The following CROCC2 variants were observed in gnomAD, a reference collection of about 807,000 sequenced individuals.
The protein encoded by CROCC2 is ciliary rootlet coiled-coil, rootletin family member 2.
Under a neutral mutation model 177.6 loss-of-function variants are expected in CROCC2, and 163 were observed. That is an observed-to-expected ratio of 0.92 (90% CI 0.81 to 1.05). The LOEUF is 1.05. CROCC2 is among the 50% of genes least tolerant of loss of function. The probability of loss-of-function intolerance (pLI) is 0.00; values close to 1 mark genes in which losing one functional copy is unlikely to be tolerated. For missense variants in CROCC2, 1,929 were observed against 1,797.8 expected, an observed-to-expected ratio of 1.07 and a Z score of -1.32; for synonymous variants, 904 against 787.3, an observed-to-expected ratio of 1.15 and a Z score of -2.48.
intron 5 of CROCC2, among the ~76,000 whole-genome samples, chr2:240,928,863 T>C (rs2059410782): frequency 8.4e-6 from 1 of 118,432 alleles, no homozygotes; most frequent in Admixed American, 9.4e-5. Flanking sequence ...GGGCATGCCC[T>C]CTGGAGGGTG....
intron 28 of CROCC2, 72 bp from the exon 29 acceptor site, chr2:240,988,667 C>CG: frequency 2.3e-6 from 3 of 1,286,786 alleles, no homozygotes; most frequent in South Asian, 5.5e-5. Flanking sequence ...ACCCTGTGCT[C>CG]CCAGAGGAGG....
intron 28 of CROCC2, chr2:240,983,611 G>A (rs1405209767): frequency 8.6e-6 from 11 of 1,284,894 alleles, no homozygotes; most frequent in African/African-American, 3.1e-5. Flanking sequence ...AGAGAGGAAG[G>A]AGGAGCTCCT....
chr2:240,921,680 G>C (rs1025799437), intron 3 of CROCC2, among the ~76,000 whole-genome samples: 4 of 152,230 alleles, frequency 2.6e-5, no homozygotes, highest in African/African-American at 9.6e-5. Context: ...TGGGTGGCCA[G>C]AGTGCCTGAC....
chr2:240,934,632 A>G (rs1036887612), intron 12 of CROCC2, among the ~76,000 whole-genome samples, 157 bp downstream of exon 12: 7 of 151,892 alleles, frequency 4.6e-5, no homozygotes, highest in Non-Finnish European at 8.8e-5. Flanking sequence ...CCCGTCCCCA[A>G]CCAGTAGGCA....
intron 1 of CROCC2, among the ~76,000 whole-genome samples, chr2:240,913,145 C>T (rs2106449891): frequency 6.6e-6 from 1 of 152,258 alleles, no homozygotes; most frequent in South Asian, 2.1e-4. Flanking sequence ...CCACAATCCT[C>T]CACAGAACAT....
Position 240,982,043 on chromosome 2 carries a change from G to A in CROCC2, c.4402-837G>A, listed in dbSNP as rs76877138. On this transcript the variant is annotated intron_variant, in intron 27 of 31. Coordinates refer to ENST00000690015, the MANE Select transcript of CROCC2 (RefSeq NM_001351305.2). The surrounding 1 kb of genome is among the most constrained non-coding windows in gnomAD (Gnocchi z 4.7). Reference sequence around the variant, plus strand: ...GCAAGCAGGAGGAGAAGGCAGCAGCGTAGGGTGGGGGCGCCAGCGGGGAGG... The same window carrying A: ...GCAAGCAGGAGGAGAAGGCAGCAGCATAGGGTGGGGGCGCCAGCGGGGAGG... The A allele has an allele frequency of 0.031, 4,753 of 152,104 alleles. 482 individuals are homozygous for A. The highest frequency in any genetic ancestry group is 0.29 in the East Asian group (1,455 of 5,068). 9.4% of individuals were successfully genotyped at this position (152,104 alleles called of 1,614,324 possible).
rs1163764435 is a variant in CROCC2 at position 240,918,037 on chromosome 2, C to G, written c.79-689C>G. ...GGCAGAAGGGCAGCCATTCAGCAAA[C>G]ACCTCCTGAGTGTGAGCCCAGGTCC... On this transcript the variant is annotated intron_variant, in intron 1 of 31. Transcript: ENST00000690015. This position sits in a 1 kb window ranked among gnomAD's most constrained non-coding sequence, Gnocchi z 6.3. Among the ~76,000 whole-genome samples, 1 of 152,216 alleles carries G rather than the reference C, an allele frequency of 6.6e-6. No homozygotes were observed. The highest frequency in any genetic ancestry group is 6.5e-5 in the Admixed American group (1 of 15,292).
chr2:240,918,816 C>A lies in CROCC2; in HGVS notation c.169C>A (p.Pro57Thr), dbSNP rs2059336245. 1.6e-6 allele frequency: 1 copy of A among 623,370 alleles called. No individual in the cohort carries two copies. Among genetic ancestry groups the A allele is most frequent in the Non-Finnish European group, 2.9e-6 (1 of 341,176 alleles). The allele number at this position is 623,370 out of a possible 1,614,324, so 38.6% of individuals were successfully genotyped here. ...RGEGRQASPT[P>T]VPTRIREIVA... Reference sequence around the variant, plus strand: ...GGAAGGCCGGCAGGCCTCGCCCACCCCCGTGCCCACCCGCATCCGTGAGAT... The same window carrying A: ...GGAAGGCCGGCAGGCCTCGCCCACCACCGTGCCCACCCGCATCCGTGAGAT... Residue 57 changes from proline (P) to threonine (T), a missense_variant, in exon 2 of 32, where the codon CCC (proline) becomes ACC (threonine). This residue lies in a region of CROCC2 where 1,397 missense variants were observed against 1,239.9 expected (regional missense o/e 1.13). Transcript: ENST00000690015. This position sits in a 1 kb window ranked among gnomAD's most constrained non-coding sequence, Gnocchi z 6.3.
chr2:240,983,105 G>A, intron 28 of CROCC2, 76 bp downstream of exon 28: 1 of 1,392,302 alleles, frequency 7.2e-7, no homozygotes, highest in South Asian at 1.4e-5. Flanking sequence ...AGGCCCTGTG[G>A]TCCTTTGCAG....
chr2:240,919,783 A>T (rs1349043602), intron 2 of CROCC2, among the ~76,000 whole-genome samples, 200 bp from the exon 3 acceptor site: 1 of 152,110 alleles, frequency 6.6e-6, no homozygotes, highest in South Asian at 2.1e-4. Context: ...ACATGAGAGG[A>T]AGTGGGGCTC....
intron 4 of CROCC2, among the ~76,000 whole-genome samples, chr2:240,923,134 A>G (rs1212936227): frequency 6.6e-6 from 1 of 152,024 alleles, no homozygotes; most frequent in Non-Finnish European, 1.5e-5. Flanking sequence ...CCAGCCTTCC[A>G]CGTGGCAGCC....
intron 27 of CROCC2, among the ~76,000 whole-genome samples, chr2:240,974,237 A>C (rs942200506): frequency 1.2e-4 from 18 of 151,776 alleles, no homozygotes; most frequent in Non-Finnish European, 1.5e-4. Context: ...CCAACGGTTC[A>C]TGTTTTATTC....
At chr2:240,922,483 C>G in intron 3 of CROCC2, 56 bp from the exon 4 acceptor site, 1 of 649,148 alleles carries the variant, frequency 1.5e-6, no homozygotes, top group Non-Finnish European at 2.9e-6. Flanking sequence ...ATGCCCCAGC[C>G]CCTGCCTGGC....
intron 1 of CROCC2, among the ~76,000 whole-genome samples, chr2:240,916,461 C>A (rs1559588416): frequency 3.2e-5 from 2 of 61,972 alleles, no homozygotes; most frequent in Admixed American, 1.6e-4. Flanking sequence ...CCCCCCCATG[C>A]GCTCCCCCCG....
chr2:240,964,911 C>T (rs903723851), intron 22 of CROCC2, among the ~76,000 whole-genome samples: 28 of 152,054 alleles, frequency 1.8e-4, no homozygotes, highest in African/African-American at 5.1e-4. Flanking sequence ...CAACACCTTC[C>T]GGCATGCACA....
chr2:240,965,937 G>A lies in CROCC2; in HGVS notation c.3905G>A (p.Gly1302Glu). 1 of 1,411,036 alleles carries A rather than the reference G, an allele frequency of 7.1e-7. No individual in the cohort carries two copies. Among genetic ancestry groups the A allele is most frequent in the Non-Finnish European group, 9.2e-7 (1 of 1,086,050 alleles). The allele number at this position is 1,411,036 out of a possible 1,614,324, so 87.4% of individuals were successfully genotyped here. A position where few individuals can be genotyped will look rare whatever the true frequency, so the allele number is the denominator to read the frequency against. The change falls in exon 24 of 32, where the codon GGG becomes GAG. Residue 1302 changes from glycine to glutamate, a missense_variant. This residue lies in a region of CROCC2 where 144 missense variants were observed against 205.2 expected (regional missense o/e 0.70). Transcript: ENST00000690015. ...RLCSTLRRGL[G>E]LQRQSPWASP... ...TGCTCCACGCTCCGCCGTGGCCTGG[G>A]GCTCCAGAGACAGAGCCCGTGGGCC...
intron 5 of CROCC2, chr2:240,929,535 C>A (rs74000146): frequency 0.017 from 6,504 of 389,840 alleles, 373 homozygotes; most frequent in African/African-American, 0.13. Context: ...TCCCACTCCG[C>A]TCCGTTACAG....
In CROCC2 at chr2:240,934,967, GA is replaced by G; in HGVS notation, c.1844del (p.Glu615GlyfsTer15). ...GCTTCTTGTGAGGCGGCTGAAGTCG[GA>G]GGGAGTGGAGCAAAGGGACTCCCTG... is the stretch of plus-strand genomic sequence containing the variant. ...LELLVRRLKS[E>X]GVEQRDSLAA... is the part of the protein sequence containing the mutation. On this transcript the variant is annotated frameshift_variant, in exon 13 of 32. Coordinates refer to ENST00000690015, the MANE Select transcript of CROCC2 (RefSeq NM_001351305.2). LOFTEE classifies it high-confidence loss of function. 6.6e-7 allele frequency: 1 copy of G among 1,513,782 alleles called. No homozygotes were observed. Among genetic ancestry groups the G allele is most frequent in the East Asian group, 2.6e-5 (1 of 38,142 alleles). The allele number at this position is 1,513,782 out of a possible 1,614,324, so 93.8% of individuals were successfully genotyped here.
intron 21 of CROCC2, 120 bp downstream of exon 21, chr2:240,963,893 T>C (rs1055027886): frequency 6.5e-6 from 7 of 1,073,324 alleles, no homozygotes; most frequent in Non-Finnish European, 9.5e-6. Context: ...GCCCCACTGA[T>C]GGTGGGGTAG....
Sources: allele counts gnomAD v4.1 joint callset (sites outside exome capture counted in the v4.1 genomes callset), GRCh38; gene constraint gnomAD v4.1.1; regional missense constraint gnomAD v4.1.1; non-coding constraint Gnocchi (gnomAD v3.1); transcripts MANE v1.5; gene names NCBI Gene and HGNC (gene_info 2026-07-23, HGNC 2026-07-21).